Variants in SLC4A10 observed in about 807,000 individuals in gnomAD.
The protein encoded by SLC4A10 is solute carrier family 4 member 10.
SLC4A10 carries 42 observed loss-of-function variants against 137.7 expected under a neutral mutation model. The observed-to-expected ratio is 0.30, with a 90% CI of 0.24 to 0.39. The LOEUF is 0.39. Ranked by LOEUF, SLC4A10 falls within the 10% of genes least tolerant of loss-of-function variation. SLC4A10 has a pLI of 1.00. For synonymous variants in SLC4A10, 474 were observed against 464.1 expected, an observed-to-expected ratio of 1.02 and a Z score of -0.27; for missense variants, 925 against 1,355.0, an observed-to-expected ratio of 0.68 and a Z score of 4.98.
chr2:161,632,246 G>A (rs1284976163), intron 1 of SLC4A10, among the ~76,000 whole-genome samples: 1 of 151,510 alleles, frequency 6.6e-6, no homozygotes, highest in Non-Finnish European at 1.5e-5. Flanking sequence ...CTACCAGATG[G>A]GATCAAAACA....
At chr2:161,847,280 C>A (rs991962244) in intron 4 of SLC4A10, among the ~76,000 whole-genome samples, 1 of 150,684 alleles carries the variant, frequency 6.6e-6, no homozygotes, top group Non-Finnish European at 1.5e-5. Flanking sequence ...TGCACACACA[C>A]ACACATACAC....
intron 2 of SLC4A10, among the ~76,000 whole-genome samples, chr2:161,784,969 A>G (rs1026051786): frequency 6.6e-6 from 1 of 151,376 alleles, no homozygotes; most frequent in Non-Finnish European, 1.5e-5. Context: ...GTTTTTTTTT[A>G]AAAGATAAAA....
intron 16 of SLC4A10, among the ~76,000 whole-genome samples, chr2:161,946,229 A>T (rs1009754467): frequency 6.6e-6 from 1 of 152,056 alleles, no homozygotes; most frequent in African/African-American, 2.4e-5. Flanking sequence ...AGATGTTTGC[A>T]GTTAAATTAG....
chr2:161,935,362 TG>T (rs1252184389), intron 15 of SLC4A10, among the ~76,000 whole-genome samples: 3 of 152,158 alleles, frequency 2.0e-5, no homozygotes, highest in Non-Finnish European at 4.4e-5. Context: ...TTTGGTTATT[TG>T]TTTTTTGTGG....
At chr2:161,977,223 T>C in intron 25 of SLC4A10, 1 of 291,372 alleles carries the variant, frequency 3.4e-6, no homozygotes, top group South Asian at 3.8e-5. Flanking sequence ...TTATTTTCCC[T>C]TTTTTAGACT....
intron 3 of SLC4A10, among the ~76,000 whole-genome samples, chr2:161,808,785 T>C (rs1365081987): frequency 6.6e-6 from 1 of 152,164 alleles, no homozygotes; most frequent in Non-Finnish European, 1.5e-5. Flanking sequence ...CCATGATATA[T>C]ATGTACCACA....
chr2:161,715,573 C>T (rs1469525748), intron 1 of SLC4A10, among the ~76,000 whole-genome samples: 1 of 151,614 alleles, frequency 6.6e-6, no homozygotes, highest in Non-Finnish European at 1.5e-5. Context: ...CTTTCAGCTC[C>T]CAGTGAGAAC....
intron 1 of SLC4A10, among the ~76,000 whole-genome samples, chr2:161,733,763 T>C (rs1006792626): frequency 1.2e-4 from 19 of 152,086 alleles, no homozygotes; most frequent in Non-Finnish European, 2.1e-4. Flanking sequence ...TGCCAACCCG[T>C]GAAAGCAGCC....
At chr2:161,690,910 C>T (rs1175320343) in intron 1 of SLC4A10, among the ~76,000 whole-genome samples, 1 of 151,926 alleles carries the variant, frequency 6.6e-6, no homozygotes, top group African/African-American at 2.4e-5. Context: ...GTGTAACAAA[C>T]CTGCATGTCC....
chr2:161,653,157 C>A (rs2037042956), intron 1 of SLC4A10, among the ~76,000 whole-genome samples: 1 of 152,112 alleles, frequency 6.6e-6, no homozygotes, highest in Non-Finnish European at 1.5e-5. Flanking sequence ...CAGCTTCATC[C>A]ATGTCCCGCA....
Position 161,873,760 on chromosome 2 carries a change from A to G in SLC4A10, c.859-156A>G, listed in dbSNP as rs2061291458. On this transcript the variant is annotated intron_variant, in intron 7 of 26. Transcript: ENST00000446997. ...TAGCCTGAATCAAGGTTCTGAAAAGATTAATAGTGATCAGCTCCTTGGACC... is the reference window on the plus strand; with the variant it reads ...TAGCCTGAATCAAGGTTCTGAAAAGGTTAATAGTGATCAGCTCCTTGGACC... 22 of 645,836 alleles carry G rather than the reference A, an allele frequency of 3.4e-5. No individual in the cohort carries two copies. The South Asian group carries it at 4.3e-4, about 13-fold the overall frequency. 40.0% of individuals were successfully genotyped at this position (645,836 alleles called of 1,614,324 possible).
intron 23 of SLC4A10, among the ~76,000 whole-genome samples, chr2:161,967,126 T>C (rs1307491027): frequency 1.3e-5 from 2 of 152,198 alleles, no homozygotes; most frequent in South Asian, 2.1e-4. Flanking sequence ...AGGGCCACTG[T>C]CTGTAGGGAG....
At chr2:161,756,919 C>A (rs1485268576) in intron 1 of SLC4A10, among the ~76,000 whole-genome samples, 1 of 152,012 alleles carries the variant, frequency 6.6e-6, no homozygotes, top group Non-Finnish European at 1.5e-5. Context: ...GTTATTTTGT[C>A]TATTTAGAAT....
At chr2:161,791,297 C>G (rs988234387) in intron 2 of SLC4A10, among the ~76,000 whole-genome samples, 12 of 152,094 alleles carry the variant, frequency 7.9e-5, no homozygotes, top group African/African-American at 2.9e-4. Flanking sequence ...TAAAAAGGAA[C>G]AAGATCATGT....
At chr2:161,951,499 C>G (rs1694798789) in intron 19 of SLC4A10, among the ~76,000 whole-genome samples, 1 of 152,158 alleles carries the variant, frequency 6.6e-6, no homozygotes, top group Non-Finnish European at 1.5e-5. Flanking sequence ...AATGTAAGCA[C>G]TGTCACTTAC....
At chr2:161,781,485 T>C (rs1316606446) in intron 2 of SLC4A10, among the ~76,000 whole-genome samples, 5 of 152,096 alleles carry the variant, frequency 3.3e-5, no homozygotes. Context: ...GATATCTATA[T>C]ATGTATTAAA....
At chr2:161,929,878 G>A (rs1690004222) in intron 15 of SLC4A10, among the ~76,000 whole-genome samples, 1 of 151,892 alleles carries the variant, frequency 6.6e-6, no homozygotes, top group Non-Finnish European at 1.5e-5. Flanking sequence ...TATCCATTCT[G>A]GTTTTTAATT....
At chr2:161,647,933 G>A (rs2036282817) in intron 1 of SLC4A10, among the ~76,000 whole-genome samples, 1 of 152,128 alleles carries the variant, frequency 6.6e-6, no homozygotes. Context: ...CGATTAAATG[G>A]CATGATGGCT....
intron 1 of SLC4A10, among the ~76,000 whole-genome samples, chr2:161,738,148 G>T (rs186046072): frequency 6.6e-6 from 1 of 152,284 alleles, no homozygotes; most frequent in East Asian, 1.9e-4. Flanking sequence ...ATTTGAGAGA[G>T]AACTTATTTA....
Sources: gnomAD v4.1 joint callset for allele counts (sites outside exome capture counted in the v4.1 genomes callset) on GRCh38, gnomAD v4.1.1 for gene constraint, MANE v1.5 for transcripts, NCBI Gene and HGNC (gene_info 2026-07-23, HGNC 2026-07-21) for gene names.